Variants in RFPL1 observed in about 807,000 individuals in gnomAD.
RFPL1 encodes the protein ret finger protein like 1, also known as ret finger protein-like 1.
Under a neutral mutation model 9.6 loss-of-function variants are expected in RFPL1, and 6 were observed. The observed-to-expected ratio is 0.62, with a 90% CI of 0.34 to 1.23. RFPL1 has a LOEUF of 1.23. Among genes scored for constraint, RFPL1 ranks in the 50% most tolerant of loss-of-function variants. RFPL1 has a pLI of 0.03. For missense variants in RFPL1, 352 were observed against 398.4 expected, an observed-to-expected ratio of 0.88 and a Z score of 0.99; for synonymous variants, 145 against 149.4, an observed-to-expected ratio of 0.97 and a Z score of 0.22.
chr22:29,438,732 G>C, exon 1 of RFPL1: 1 of 1,582,798 alleles, frequency 6.3e-7, no homozygotes, highest in Non-Finnish European at 8.6e-7. Context: ...ATGTGCTTGA[G>C]TGTTTGTACT....
chr22:29,417,388 C>G, the RFPL1 span, among the ~76,000 whole-genome samples: 1 of 151,748 alleles, frequency 6.6e-6, no homozygotes, highest in East Asian at 1.9e-4. Flanking sequence ...AGCCCCTTCC[C>G]GGAGCTGCTG....
At chr22:29,395,050 G>C in the RFPL1 span, among the ~76,000 whole-genome samples, 69 of 152,254 alleles carry the variant, frequency 4.5e-4, no homozygotes, top group Admixed American at 4.3e-3. Context: ...CTGATACTCA[G>C]AATCTCAGAG....
chr22:29,427,073 G>T, the RFPL1 span, among the ~76,000 whole-genome samples: 1 of 152,354 alleles, frequency 6.6e-6, no homozygotes, highest in South Asian at 2.1e-4. Context: ...GGTTGGGGTG[G>T]CTGTGATTAA....
the RFPL1 span, among the ~76,000 whole-genome samples, chr22:29,400,923 T>G: frequency 6.6e-6 from 1 of 152,166 alleles, no homozygotes; most frequent in African/African-American, 2.4e-5. Context: ...ATTACAGAAA[T>G]GAGAAGCAGA....
the RFPL1 span, among the ~76,000 whole-genome samples, chr22:29,388,217 C>A: frequency 6.6e-6 from 1 of 152,106 alleles, no homozygotes; most frequent in Non-Finnish European, 1.5e-5. Flanking sequence ...GGGTATGGGG[C>A]GGCCGAGGAA....
chr22:29,426,823 G>T, the RFPL1 span, among the ~76,000 whole-genome samples: 1 of 152,120 alleles, frequency 6.6e-6, no homozygotes, highest in African/African-American at 2.4e-5. Context: ...TTTTTGTCCT[G>T]TCAGTTTTCT....
At chr22:29,428,203 C>T in the RFPL1 span, among the ~76,000 whole-genome samples, 2 of 152,112 alleles carry the variant, frequency 1.3e-5, no homozygotes, top group South Asian at 4.1e-4. Context: ...CAAAAGCATG[C>T]AGGAGTAGCT....
At chr22:29,429,062 A>G in the RFPL1 span, among the ~76,000 whole-genome samples, 1 of 152,054 alleles carries the variant, frequency 6.6e-6, no homozygotes, top group African/African-American at 2.4e-5. Context: ...TTTGTCTTTC[A>G]TTTTTTTGTT....
At chr22:29,392,491 G>A in the RFPL1 span, among the ~76,000 whole-genome samples, 2 of 143,058 alleles carry the variant, frequency 1.4e-5, no homozygotes, top group Non-Finnish European at 3.0e-5. Flanking sequence ...CCAGGGTCAA[G>A]CAATCCTCCT....
chr22:29,418,255 C>T, the RFPL1 span, among the ~76,000 whole-genome samples: 1 of 151,944 alleles, frequency 6.6e-6, no homozygotes, highest in Non-Finnish European at 1.5e-5. Context: ...GATGGGAAGA[C>T]AAGCTGGGTC....
the RFPL1 span, chr22:29,432,948 A>G: frequency 6.6e-6 from 1 of 152,220 alleles, no homozygotes; most frequent in Non-Finnish European, 1.5e-5. Context: ...TGGCCATGGC[A>G]GAACATTTTA....
exon 1 of RFPL1, chr22:29,438,622 T>C (rs1569183491): frequency 1.4e-6 from 2 of 1,449,582 alleles, no homozygotes; most frequent in East Asian, 2.5e-5. Context: ...GGGTCACCAG[T>C]AGAATGGACC....
chr22:29,420,308 A>G, the RFPL1 span, among the ~76,000 whole-genome samples: 1 of 152,194 alleles, frequency 6.6e-6, no homozygotes, highest in East Asian at 1.9e-4. Flanking sequence ...ACAGGTTAGG[A>G]GGGCAGATGT....
At chr22:29,412,635 C>T in the RFPL1 span, among the ~76,000 whole-genome samples, 1 of 152,158 alleles carries the variant, frequency 6.6e-6, no homozygotes, top group African/African-American at 2.4e-5. Flanking sequence ...CTCATTTGTT[C>T]TTATCCCAGA....
the RFPL1 span, among the ~76,000 whole-genome samples, chr22:29,424,023 AC>A: frequency 6.6e-6 from 1 of 152,240 alleles, no homozygotes; most frequent in African/African-American, 2.4e-5. Context: ...TACTAAAAAT[AC>A]AAAAAATTAG....
chr22:29,401,380 A>C, the RFPL1 span, among the ~76,000 whole-genome samples: 1 of 152,210 alleles, frequency 6.6e-6, no homozygotes, highest in Non-Finnish European at 1.5e-5. Flanking sequence ...CTTAGCCTAC[A>C]GAGGTTTATA....
At chr22:29,432,138 G>A in the RFPL1 span, among the ~76,000 whole-genome samples, 1,631 of 152,166 alleles carry the variant, frequency 0.011, 32 homozygotes, top group African/African-American at 0.038. Flanking sequence ...GATTCCATTC[G>A]GCTCCTTCAT....
At chr22:29,406,033 C>T in the RFPL1 span, among the ~76,000 whole-genome samples, 3 of 138,690 alleles carry the variant, frequency 2.2e-5, no homozygotes, top group East Asian at 4.3e-4. Context: ...GGCGTGAACC[C>T]GGGAAGCAGA....
chr22:29,441,897 G>T (rs1333487392), exon 2 of RFPL1: 5 of 1,612,938 alleles, frequency 3.1e-6, no homozygotes, highest in Non-Finnish European at 4.2e-6. Context: ...GCAAGTTACA[G>T]CGAGTGGGGA....
Sources: allele counts gnomAD v4.1 joint callset (sites outside exome capture counted in the v4.1 genomes callset), GRCh38; gene constraint gnomAD v4.1.1; transcripts MANE v1.5; gene names NCBI Gene and HGNC (gene_info 2026-07-23, HGNC 2026-07-21).